Variants in SRRM3 observed in about 807,000 individuals in gnomAD.
SRRM3 encodes the protein serine/arginine repetitive matrix 3, also known as serine/arginine repetitive matrix protein 3.
A neutral mutation model predicts 66.2 loss-of-function variants in SRRM3; 27 were observed. That is an observed-to-expected ratio of 0.41 (90% confidence interval 0.30 to 0.56). The LOEUF is 0.56. Among genes scored for constraint, SRRM3 ranks in the 20% least tolerant of loss-of-function variants. The pLI, the probability that SRRM3 is intolerant of heterozygous loss-of-function variation, is 0.32. For synonymous variants in SRRM3, 391 were observed against 414.9 expected (o/e 0.94, Z 0.70); for missense variants, 918 against 991.9 (o/e 0.93, Z 1.00).
rs902895562 is a variant in SRRM3 at position 76,285,686 on chromosome 7, A to G, written c.1805A>G (p.Tyr602Cys). The change falls in exon 15 of 15, where the codon TAC becomes TGC. Residue 602 changes from tyrosine to cysteine, a missense_variant. By Grantham distance (194) the Tyr-to-Cys change is radical. Transcript: ENST00000611745. The surrounding 1 kb of genome is among the most constrained non-coding windows in gnomAD (Gnocchi z 4.1). ...SSSSSCLSSD[Y>C]STRSHSRSPS... ...TCCTCCAGCTGCTTGAGCAGCGACT[A>G]CTCGACCCGGAGCCACAGCCGCAGC... The G allele has an allele frequency of 6.4e-7, 1 of 1,550,794 alleles. No individual in the cohort carries two copies. The highest frequency in any genetic ancestry group is 1.4e-5 in the African/African-American group (1 of 73,040).
At chr7:76,246,252 T>C (rs1027108073) in intron 2 of SRRM3, among the ~76,000 whole-genome samples, 8 of 152,130 alleles carry the variant, frequency 5.3e-5, no homozygotes, top group African/African-American at 1.9e-4. Flanking sequence ...TTCACAGATG[T>C]AGAAGCTAAG....
At chr7:76,281,847 A>G in intron 12 of SRRM3, 45 bp downstream of exon 12, 2 of 848,382 alleles carry the variant, frequency 2.4e-6, no homozygotes, top group Non-Finnish European at 2.7e-6. Flanking sequence ...CCCACCCCGC[A>G]CAGGGCTCCC....
At chr7:76,212,405 C>T (rs1351521583) in intron 1 of SRRM3, among the ~76,000 whole-genome samples, 2 of 151,532 alleles carry the variant, frequency 1.3e-5, no homozygotes, top group African/African-American at 2.4e-5. Context: ...GATCCTCCCA[C>T]CTCGGCCTCC....
rs1199015691 is a variant in SRRM3 at position 76,267,383 on chromosome 7, A to G, written c.956A>G (p.Gln319Arg). 2.1e-6 allele frequency: 3 copies of G among 1,420,278 alleles called. No individual in the cohort carries two copies. In the South Asian group the frequency reaches 4.6e-5, roughly 22 times the overall value. 88.0% of individuals were successfully genotyped at this position (1,420,278 alleles called of 1,614,324 possible). ...CCCCAGCGGAACGGCGGCAGCGGGCAGCGGAGCGGAGCGCACGGGGGCCGC... is the reference window on the plus strand; with the variant it reads ...CCCCAGCGGAACGGCGGCAGCGGGCGGCGGAGCGGAGCGCACGGGGGCCGC... The part of the protein sequence containing the change: ...GSPQRNGGSG[Q>R]RSGAHGGRPG... The change falls in exon 11 of 15, where the codon CAG becomes CGG. Residue 319 changes from glutamine to arginine, a missense_variant. Gln to Arg is a conservative substitution (Grantham distance 43). Transcript: ENST00000611745.
rs57880700 is a variant in SRRM3, at chr7:76,255,148, C to CTTTTTTTTTTT, written c.336-4749_336-4739dup. On this transcript the variant is annotated intron_variant, in intron 3 of 14. Coordinates refer to ENST00000611745, the MANE Select transcript of SRRM3 (RefSeq NM_001110199.3). ...CTTTTCTTTCTTTCTTTCTTTCTTTCTTTTTTTTTTTTTTTTTTTGAGATG... is the reference window on the plus strand; with the variant it reads ...CTTTTCTTTCTTTCTTTCTTTCTTTCTTTTTTTTTTTTTTTTTTTTTTTTTTTTTTGAGATG... 1.9e-3 allele frequency among the ~76,000 whole-genome samples: 162 copies of CTTTTTTTTTTT among 83,170 alleles called. 5 individuals are homozygous for CTTTTTTTTTTT. Among genetic ancestry groups the CTTTTTTTTTTT allele is most frequent in the African/African-American group, 3.0e-3 (48 of 15,890 alleles). The allele number at this position is 83,170 out of a possible 152,430, so 54.6% of individuals were successfully genotyped here. A position where few individuals can be genotyped will look rare whatever the true frequency, so the allele number is the denominator to read the frequency against.
At chr7:76,206,324 G>A (rs1800301185) in intron 1 of SRRM3, among the ~76,000 whole-genome samples, 1 of 152,158 alleles carries the variant, frequency 6.6e-6, no homozygotes, top group Non-Finnish European at 1.5e-5. Context: ...GAAGGTGTTT[G>A]GGGGGCAGAG....
intron 3 of SRRM3, among the ~76,000 whole-genome samples, chr7:76,249,654 G>A (rs575219541): frequency 6.6e-6 from 1 of 152,332 alleles, no homozygotes; most frequent in Admixed American, 6.5e-5. Context: ...GGCAGGCACC[G>A]TGTGCTCAGG....
intron 1 of SRRM3, among the ~76,000 whole-genome samples, chr7:76,234,440 T>C (rs943964228): frequency 6.6e-6 from 1 of 152,160 alleles, no homozygotes; most frequent in Admixed American, 6.6e-5. Context: ...ATCTGGAATG[T>C]TGGCTTTGGA....
chr7:76,247,417 A>G (rs142576250), intron 2 of SRRM3, among the ~76,000 whole-genome samples: 1 of 152,116 alleles, frequency 6.6e-6, no homozygotes, highest in African/African-American at 2.4e-5. Context: ...TCCCATGGCT[A>G]TATGAGGATG....
chr7:76,231,665 A>G (rs1196570193), intron 1 of SRRM3, among the ~76,000 whole-genome samples: 3 of 152,230 alleles, frequency 2.0e-5, no homozygotes, highest in Admixed American at 1.3e-4. Flanking sequence ...CCCTCCCCTA[A>G]AAGGGCTCAC....
chr7:76,274,746 G>C (rs1283649091), intron 11 of SRRM3, among the ~76,000 whole-genome samples: 3 of 152,162 alleles, frequency 2.0e-5, no homozygotes, highest in African/African-American at 4.8e-5. Flanking sequence ...TGGACCCTAG[G>C]GGACCCCACC....
intron 1 of SRRM3, among the ~76,000 whole-genome samples, chr7:76,209,318 C>T (rs1554601485): frequency 6.6e-6 from 1 of 152,212 alleles, no homozygotes; most frequent in African/African-American, 2.4e-5. Flanking sequence ...ACTGATGATC[C>T]ACTGAGGTTC....
At chr7:76,244,709 C>G (rs1801394173) in intron 2 of SRRM3, among the ~76,000 whole-genome samples, 1 of 152,158 alleles carries the variant, frequency 6.6e-6, no homozygotes, top group Admixed American at 6.6e-5. Flanking sequence ...CTCAAGACCT[C>G]TCTCCCTGCT....
chr7:76,283,223 G>A, intron 14 of SRRM3, 122 bp downstream of exon 14: 1 of 1,183,044 alleles, frequency 8.5e-7, no homozygotes, highest in Non-Finnish European at 1.1e-6. Flanking sequence ...GGGGATGGGG[G>A]GGGGTGCTAA....
chr7:76,246,119 A>C (rs781987898), intron 2 of SRRM3, among the ~76,000 whole-genome samples: 9 of 152,180 alleles, frequency 5.9e-5, no homozygotes, highest in Non-Finnish European at 1.2e-4. Context: ...GTTTGGGACA[A>C]ATAAGCCTTA....
At chr7:76,214,401 G>A (rs1800507165) in intron 1 of SRRM3, among the ~76,000 whole-genome samples, 2 of 152,178 alleles carry the variant, frequency 1.3e-5, no homozygotes, top group South Asian at 4.1e-4. Flanking sequence ...CAATGATGTT[G>A]TAAATTAGCT....
chr7:76,242,876 A>G (rs1322110404), intron 2 of SRRM3, among the ~76,000 whole-genome samples: 1 of 152,286 alleles, frequency 6.6e-6, no homozygotes, highest in East Asian at 1.9e-4. Context: ...AGCTATAAAT[A>G]CAGGTGAAGC....
In SRRM3 at chr7:76,282,792, C is replaced by T; in HGVS notation, c.1515C>T (p.Pro505=). ...GCTCCTGGAGCTCCAGCCGCTCGCC[C>T]TCCAAATCTCGCTCGCGCTCTGCGG... is the stretch of plus-strand genomic sequence containing the variant. ...HPRSWSSSRS[P]SKSRSRSAEK... Residue 505 remains proline (P), a synonymous_variant, in exon 13 of 15, where the codon CCC becomes CCT. Transcript: ENST00000611745. The T allele has an allele frequency of 1.4e-6, 2 of 1,466,346 alleles. No homozygotes were observed. Among genetic ancestry groups the T allele is most frequent in the Middle Eastern group, 2.3e-4 (1 of 4,344 alleles). 90.8% of individuals were successfully genotyped at this position (1,466,346 alleles called of 1,614,324 possible). A position where few individuals can be genotyped will look rare whatever the true frequency, so the allele number is the denominator to read the frequency against.
intron 1 of SRRM3, among the ~76,000 whole-genome samples, chr7:76,207,643 C>T (rs1199079755): frequency 1.3e-5 from 2 of 151,968 alleles, no homozygotes; most frequent in South Asian, 2.1e-4. Context: ...GCAGGAGGAT[C>T]GCTTGAGCCC....
Sources: gnomAD v4.1 joint callset for allele counts (sites outside exome capture counted in the v4.1 genomes callset) on GRCh38, gnomAD v4.1.1 for gene constraint, Gnocchi (gnomAD v3.1) non-coding constraint, MANE v1.5 for transcripts, NCBI Gene and HGNC (gene_info 2026-07-23, HGNC 2026-07-21) for gene names.